Variants in MKRN1 observed in about 807,000 individuals in gnomAD.
MKRN1 encodes makorin ring finger protein 1.
A neutral mutation model predicts 55.5 loss-of-function variants in MKRN1; 9 were observed. The ratio of observed to expected loss-of-function variants is 0.16; its 90% CI spans 0.10 to 0.28. The LOEUF (loss-of-function observed/expected upper bound fraction) is 0.28, where lower values mean the gene tolerates loss of function less well. Ranked by LOEUF, MKRN1 falls within the 10% of genes least tolerant of loss-of-function variation. The probability of loss-of-function intolerance (pLI) is 1.00; values close to 1 mark genes in which losing one functional copy is unlikely to be tolerated. For synonymous variants in MKRN1, 253 were observed against 235.9 expected, an observed-to-expected ratio of 1.07 and a Z score of -0.66; for missense variants, 488 against 626.7, an observed-to-expected ratio of 0.78 and a Z score of 2.36.
intron 2 of MKRN1, among the ~76,000 whole-genome samples, chr7:140,462,800 T>TA (rs1794661101): frequency 1.3e-5 from 2 of 151,248 alleles, no homozygotes; most frequent in Admixed American, 6.6e-5. Context: ...CCGTCTCTAC[T>TA]AAAAAATACA....
intron 7 of MKRN1, 150 bp from the exon 8 acceptor site, chr7:140,454,879 T>G: frequency 9.6e-7 from 1 of 1,046,128 alleles, no homozygotes; most frequent in South Asian, 1.5e-5. Context: ...TCCCCTCTGG[T>G]TACTTCATGG....
At chr7:140,457,021 C>T (rs907477231) in intron 4 of MKRN1, 155 bp from the exon 5 acceptor site, 4 of 730,890 alleles carry the variant, frequency 5.5e-6, no homozygotes, top group African/African-American at 4.7e-5. Flanking sequence ...GACAAGTAAA[C>T]ACAGGTGTGG....
At chr7:140,471,179 T>C (rs779421929) in intron 2 of MKRN1, among the ~76,000 whole-genome samples, 1 of 152,070 alleles carries the variant, frequency 6.6e-6, no homozygotes, top group Non-Finnish European at 1.5e-5. Flanking sequence ...AGCCCAGGAA[T>C]CTGAGACCAG....
chr7:140,455,445 T>C, intron 6 of MKRN1: 1 of 610,366 alleles, frequency 1.6e-6, no homozygotes, highest in African/African-American at 1.8e-5. Flanking sequence ...GGTTAATAGC[T>C]CTAGTACAAG....
chr7:140,472,385 A>C (rs544975007), intron 1 of MKRN1: 3 of 207,722 alleles, frequency 1.4e-5, no homozygotes, highest in African/African-American at 7.0e-5. Context: ...ATGAGCCGAG[A>C]TCGCGCCATT....
chr7:140,474,057 G>GAAAGAAAGAA, intron 1 of MKRN1, among the ~76,000 whole-genome samples: 1 of 144,886 alleles, frequency 6.9e-6, no homozygotes, highest in Non-Finnish European at 1.5e-5. Flanking sequence ...AAGAAAGAAA[G>GAAAGAAAGAA]AAAGAAAGAA....
chr7:140,473,417 C>T (rs1040712362), intron 1 of MKRN1: 5 of 307,682 alleles, frequency 1.6e-5, no homozygotes, highest in African/African-American at 6.8e-5. Context: ...ACATAGAGAA[C>T]AAGAAACTGC....
intron 4 of MKRN1, 138 bp downstream of exon 4, chr7:140,458,869 C>T (rs1225762374): frequency 2.3e-6 from 2 of 879,288 alleles, no homozygotes; most frequent in African/African-American, 1.7e-5. Flanking sequence ...TCCAAGAAGC[C>T]CAAGAAAGGA....
intron 1 of MKRN1, chr7:140,478,899 G>A (rs1172247490): frequency 6.2e-6 from 2 of 323,680 alleles, no homozygotes; most frequent in Non-Finnish European, 1.1e-5. Flanking sequence ...CGGCGGTGCA[G>A]CCCCGCGGCT....
intron 2 of MKRN1, among the ~76,000 whole-genome samples, chr7:140,460,506 G>A (rs147548013): frequency 3.0e-4 from 46 of 151,766 alleles, no homozygotes; most frequent in African/African-American, 1.1e-3. Context: ...GATGCCGTTT[G>A]GCCAGGCTGA....
chr7:140,467,070 C>G (rs1192611373), intron 2 of MKRN1, among the ~76,000 whole-genome samples: 1 of 151,966 alleles, frequency 6.6e-6, no homozygotes, highest in South Asian at 2.1e-4. Context: ...ATCCACCTCC[C>G]GGGTTCAAGT....
intron 2 of MKRN1, among the ~76,000 whole-genome samples, chr7:140,464,260 C>A (rs193002910): frequency 3.2e-4 from 49 of 152,250 alleles, no homozygotes; most frequent in African/African-American, 1.1e-3. Flanking sequence ...CCCTTGGAGC[C>A]AAGCTTCATG....
chr7:140,466,673 G>A lies in MKRN1; in HGVS notation c.314+5210C>T, dbSNP rs551275219. ...CAAAAAATTAGCCGGGCGCGGTGGC[G>A]GGCGCCTGTAGTCCCAGCTACTCGG... On this transcript the variant is annotated intron_variant, in intron 2 of 7. Transcript: ENST00000255977. Among the ~76,000 whole-genome samples, 452 of 151,844 alleles carry A rather than the reference G, an allele frequency of 3.0e-3. 2 individuals are homozygous for A. Among genetic ancestry groups the A allele is most frequent in the African/African-American group, 1.0e-2 (414 of 41,406 alleles).
chr7:140,477,943 AAT>A (rs1795174472), intron 1 of MKRN1, among the ~76,000 whole-genome samples: 1 of 152,222 alleles, frequency 6.6e-6, no homozygotes, highest in Non-Finnish European at 1.5e-5. Context: ...AGTGACCTGA[AAT>A]TGCGTTTATG....
In MKRN1 at chr7:140,455,366, T is replaced by C. The variant is rs536633225; in HGVS notation, c.1098-133A>G. On this transcript the variant is annotated intron_variant, in intron 6 of 7. Coordinates refer to ENST00000255977, the MANE Select transcript of MKRN1 (RefSeq NM_013446.4). ...TTACAGCCCTCCCCAAGATGTGTTC[T>C]TATAAACATGTGTGTGCCAATGCAA... is the stretch of plus-strand genomic sequence containing the variant. 2.4e-5 allele frequency: 27 copies of C among 1,127,486 alleles called. No individual in the cohort carries two copies. In the African/African-American group the frequency reaches 3.4e-4, roughly 14 times the overall value. 69.8% of individuals were successfully genotyped at this position (1,127,486 alleles called of 1,614,324 possible). A position where few individuals can be genotyped will look rare whatever the true frequency, so the allele number is the denominator to read the frequency against.
At chr7:140,466,600 C>G (rs1794772867) in intron 2 of MKRN1, among the ~76,000 whole-genome samples, 1 of 150,444 alleles carries the variant, frequency 6.6e-6, no homozygotes, top group South Asian at 2.1e-4. Context: ...GTCAGGAGAT[C>G]GAGACCATCC....
chr7:140,454,387 G>A lies in MKRN1; in HGVS notation c.*130C>T. The A allele has an allele frequency of 1.2e-6, 1 of 812,956 alleles. No homozygotes were observed. The highest frequency in any genetic ancestry group is 1.7e-5 in the African/African-American group (1 of 58,378). 50.4% of individuals were successfully genotyped at this position (812,956 alleles called of 1,614,324 possible). On this transcript the variant is annotated 3_prime_UTR_variant, in exon 8 of 8. Transcript: ENST00000255977. ...GAGGGGTTGAGAAGACAGGCCCTGG[G>A]TAAAAATTCTTAGGACAGCACCTGG...
Position 140,474,051 on chromosome 7 carries a change from A to G in MKRN1, c.186-2040T>C, listed in dbSNP as rs1044711474. ...AAAGAAAGAAAGAAAGAAAGAAAGA[A>G]AGAAAGAAAGAAAGAATAAAAGACT... is the stretch of plus-strand genomic sequence containing the variant. On this transcript the variant is annotated intron_variant, in intron 1 of 7. Transcript: ENST00000255977. Among the ~76,000 whole-genome samples the G allele has an allele frequency of 3.1e-5, 4 of 128,416 alleles. 1 individual carries two copies. The highest frequency in any genetic ancestry group is 1.4e-4 in the African/African-American group (4 of 28,264). 84.2% of individuals were successfully genotyped at this position (128,416 alleles called of 152,430 possible).
At chr7:140,458,534 G>A (rs1229589058) in intron 4 of MKRN1, among the ~76,000 whole-genome samples, 1 of 152,158 alleles carries the variant, frequency 6.6e-6, no homozygotes, top group Non-Finnish European at 1.5e-5. Context: ...AATGGGTGTA[G>A]GATGATCAAA....
Sources: allele counts gnomAD v4.1 joint callset (sites outside exome capture counted in the v4.1 genomes callset), GRCh38; gene constraint gnomAD v4.1.1; transcripts MANE v1.5; gene names NCBI Gene and HGNC (gene_info 2026-07-23, HGNC 2026-07-21).